Variants in CCDC3 observed in about 807,000 individuals in gnomAD.
CCDC3 encodes the protein coiled-coil domain containing 3, also known as coiled-coil domain-containing protein 3.
CCDC3 carries 24 observed loss-of-function variants against 21.4 expected under a neutral mutation model. The observed-to-expected ratio is 1.12, with a 90% confidence interval of 0.81 to 1.58. CCDC3 has a LOEUF of 1.58. CCDC3 is among the 40% of genes most tolerant of loss of function. The pLI is 0.00. For missense variants in CCDC3, 425 were observed against 360.9 expected (o/e 1.18, Z -1.44); for synonymous variants, 186 against 166.0 (o/e 1.12, Z -0.93).
At chr10:13,080,204 A>C (rs1387592525) in intron 3 of CCDC3, among the ~76,000 whole-genome samples, 1 of 152,146 alleles carries the variant, frequency 6.6e-6, no homozygotes, top group East Asian at 1.9e-4. Flanking sequence ...AGAGAGAGAG[A>C]GAGAGAGCGA....
intron 2 of CCDC3, among the ~76,000 whole-genome samples, chr10:12,958,190 C>A (rs912022236): frequency 1.3e-5 from 2 of 152,060 alleles, no homozygotes; most frequent in African/African-American, 4.8e-5. Context: ...ACAAGAACAA[C>A]CTAATACAAA....
intron 2 of CCDC3, among the ~76,000 whole-genome samples, chr10:12,972,206 C>T (rs1174247857): frequency 6.6e-6 from 1 of 152,192 alleles, no homozygotes; most frequent in Non-Finnish European, 1.5e-5. Context: ...CCACTCTCCA[C>T]CCTCACTGGT....
intron 2 of CCDC3, among the ~76,000 whole-genome samples, chr10:12,927,047 C>A (rs1834553655): frequency 6.6e-6 from 1 of 152,036 alleles, no homozygotes; most frequent in African/African-American, 2.4e-5. Flanking sequence ...AGAAAGAGGC[C>A]CCAAGATCCT....
chr10:13,035,389 A>T (rs1333563879), intron 5 of CCDC3, among the ~76,000 whole-genome samples: 1 of 152,212 alleles, frequency 6.6e-6, no homozygotes, highest in African/African-American at 2.4e-5. Flanking sequence ...AAAATAAAAT[A>T]AAAAATAAAT....
At chr10:12,951,585 C>A (rs1835008753) in intron 2 of CCDC3, among the ~76,000 whole-genome samples, 1 of 152,006 alleles carries the variant, frequency 6.6e-6, no homozygotes, top group African/African-American at 2.4e-5. Context: ...ACGGGTGGAT[C>A]ACAAGGTCAG....
At chr10:13,081,015 G>A (rs942279608) in intron 3 of CCDC3, among the ~76,000 whole-genome samples, 6 of 152,208 alleles carry the variant, frequency 3.9e-5, no homozygotes, top group African/African-American at 1.4e-4. Context: ...GTAGGGATGG[G>A]GCAGGAGGCA....
intron 3 of CCDC3, among the ~76,000 whole-genome samples, chr10:13,092,485 T>C (rs1832583066): frequency 6.6e-6 from 1 of 152,216 alleles, no homozygotes; most frequent in Admixed American, 6.5e-5. Flanking sequence ...GAATATCCAA[T>C]TGTCTCTGCA....
At chr10:12,963,867 G>C (rs1270058072) in intron 2 of CCDC3, among the ~76,000 whole-genome samples, 12 of 152,166 alleles carry the variant, frequency 7.9e-5, no homozygotes, top group Admixed American at 7.9e-4. Context: ...ACTGGCGTGA[G>C]CCACCAAGCC....
intron 2 of CCDC3, among the ~76,000 whole-genome samples, chr10:12,914,653 AG>A (rs970990951): frequency 6.6e-6 from 1 of 151,926 alleles, no homozygotes; most frequent in Non-Finnish European, 1.5e-5. Flanking sequence ...TATGTTGACC[AG>A]GCTGTTTTCA....
chr10:13,058,896 G>A (rs1016767991), intron 4 of CCDC3, among the ~76,000 whole-genome samples: 1 of 152,118 alleles, frequency 6.6e-6, no homozygotes, highest in East Asian at 1.9e-4. Flanking sequence ...ACACTACGGC[G>A]CATCCATATG....
upstream of CCDC3, among the ~76,000 whole-genome samples, chr10:13,006,539 G>C (rs1011106505): frequency 1.3e-5 from 2 of 152,210 alleles, no homozygotes; most frequent in Non-Finnish European, 2.9e-5. Context: ...TCCCCTCAGG[G>C]ATGCAATATT....
intron 4 of CCDC3, among the ~76,000 whole-genome samples, chr10:13,073,414 A>G (rs55990072): frequency 1.3e-5 from 2 of 152,070 alleles, no homozygotes; most frequent in Admixed American, 1.3e-4. Context: ...AGGTGTCATT[A>G]CTGCTCTGAA....
chr10:12,914,730 G>A (rs1411452841), intron 2 of CCDC3, among the ~76,000 whole-genome samples: 2 of 151,996 alleles, frequency 1.3e-5, no homozygotes, highest in African/African-American at 2.4e-5. Context: ...AGGTGTGCGT[G>A]AGCCACCATG....
chr10:13,093,164 T>C lies in CCDC3; in HGVS notation c.-503+5361A>G, dbSNP rs979756302. Among the ~76,000 whole-genome samples, 13 of 152,024 alleles carry C rather than the reference T, an allele frequency of 8.6e-5. No homozygotes were observed. In the South Asian group the frequency reaches 2.5e-3, roughly 29 times the overall value. ...GATATACCTGATACTGGGTGATTTA[T>C]AAAGAAAAAGAGGTTTAATGGACTC... On this transcript the variant is annotated intron_variant, in intron 3 of 6. Coordinates refer to the CCDC3 transcript ENST00000378839.
At chr10:13,096,506 G>A (rs1394924373) in intron 3 of CCDC3, among the ~76,000 whole-genome samples, 6 of 152,122 alleles carry the variant, frequency 3.9e-5, no homozygotes, top group African/African-American at 1.4e-4. Context: ...CTGCAGGGGT[G>A]TACGGAAACC....
intron 4 of CCDC3, among the ~76,000 whole-genome samples, chr10:13,065,632 A>G (rs1428225162): frequency 6.6e-6 from 1 of 152,160 alleles, no homozygotes; most frequent in East Asian, 1.9e-4. Flanking sequence ...CTCATTCCTC[A>G]ACAGTCAGGG....
At chr10:12,931,208 CA>C (rs67541166) in intron 2 of CCDC3, among the ~76,000 whole-genome samples, 8,007 of 74,622 alleles carry the variant, frequency 0.11, 145 homozygotes, top group Non-Finnish European at 0.13. Context: ...AAGACTCTGT[CA>C]AAAAAAAAAA....
intron 3 of CCDC3, among the ~76,000 whole-genome samples, chr10:13,093,046 T>TTC (rs1564346068): frequency 3.7e-5 from 5 of 135,916 alleles, no homozygotes; most frequent in Admixed American, 7.5e-5. Flanking sequence ...TTTTTTTTTT[T>TTC]CAAAAACAAA....
intron 2 of CCDC3, among the ~76,000 whole-genome samples, chr10:12,956,850 C>A (rs1162917955): frequency 6.6e-6 from 1 of 152,178 alleles, no homozygotes; most frequent in African/African-American, 2.4e-5. Context: ...TGGAATGATC[C>A]AATCTCCCTT....
Sources: gnomAD v4.1 joint callset for allele counts (sites outside exome capture counted in the v4.1 genomes callset) on GRCh38, gnomAD v4.1.1 for gene constraint, MANE v1.5 for transcripts, NCBI Gene and HGNC (gene_info 2026-07-23, HGNC 2026-07-21) for gene names.